CDKAL1: variants seen among roughly 807,000 people sequenced by gnomAD.
The protein encoded by CDKAL1 is CDKAL1 threonylcarbamoyladenosine tRNA methylthiotransferase, also known as threonylcarbamoyladenosine tRNA methylthiotransferase.
Under a neutral mutation model 68.2 loss-of-function variants are expected in CDKAL1, and 32 were observed. The ratio of observed to expected loss-of-function variants is 0.47; its 90% confidence interval spans 0.35 to 0.63. The LOEUF is 0.63. CDKAL1 is among the 30% of genes least tolerant of loss of function. The pLI, the probability that CDKAL1 is intolerant of heterozygous loss-of-function variation, is 0.00. For synonymous variants in CDKAL1, 234 were observed against 244.3 expected, an observed-to-expected ratio of 0.96 and a Z score of 0.39; for missense variants, 606 against 696.7, an observed-to-expected ratio of 0.87 and a Z score of 1.47.
chr6:21,146,826 G>A (rs958001469), intron 13 of CDKAL1, among the ~76,000 whole-genome samples: 7 of 148,392 alleles, frequency 4.7e-5, no homozygotes, highest in Non-Finnish European at 8.9e-5. Context: ...ACTCCAGCCT[G>A]GGCGACAGAG....
chr6:20,584,100 C>G (rs1765246787), intron 4 of CDKAL1, among the ~76,000 whole-genome samples: 1 of 143,202 alleles, frequency 7.0e-6, no homozygotes, highest in Non-Finnish European at 1.5e-5. Flanking sequence ...GATTTGTTTT[C>G]AATATCCTTA....
chr6:21,077,506 G>C (rs561421389), intron 12 of CDKAL1, among the ~76,000 whole-genome samples: 3 of 152,358 alleles, frequency 2.0e-5, no homozygotes, highest in South Asian at 4.1e-4. Context: ...TGTGCTCATG[G>C]TTCTGCAGGC....
chr6:20,638,248 T>C (rs1255570685), intron 4 of CDKAL1, among the ~76,000 whole-genome samples: 1 of 152,162 alleles, frequency 6.6e-6, no homozygotes, highest in Non-Finnish European at 1.5e-5. Flanking sequence ...AAGTGAAAAA[T>C]AGTATTTTTT....
At chr6:20,833,097 A>C (rs552413033) in intron 8 of CDKAL1, among the ~76,000 whole-genome samples, 25 of 152,314 alleles carry the variant, frequency 1.6e-4, no homozygotes, top group African/African-American at 5.8e-4. Context: ...TGATTGGCTT[A>C]GGTCTGAGTT....
chr6:21,193,250 C>T (rs1406846657), intron 13 of CDKAL1, among the ~76,000 whole-genome samples: 1 of 151,916 alleles, frequency 6.6e-6, no homozygotes, highest in African/African-American at 2.4e-5. Flanking sequence ...TTAAGTACAC[C>T]AAGAAGGTAG....
At chr6:20,810,273 A>G (rs1776738029) in intron 8 of CDKAL1, among the ~76,000 whole-genome samples, 1 of 151,934 alleles carries the variant, frequency 6.6e-6, no homozygotes, top group African/African-American at 2.4e-5. Context: ...GCACAACTAA[A>G]TTGTTTTGAA....
At chr6:21,003,460 G>A (rs1010464479) in intron 11 of CDKAL1, among the ~76,000 whole-genome samples, 3 of 149,332 alleles carry the variant, frequency 2.0e-5, no homozygotes, top group African/African-American at 7.4e-5. Flanking sequence ...CAGCTACTGG[G>A]GAGGCTGAGG....
chr6:21,073,402 A>T (rs189384568), intron 12 of CDKAL1, among the ~76,000 whole-genome samples: 312 of 152,316 alleles, frequency 2.0e-3, no homozygotes, highest in Non-Finnish European at 3.1e-3. Context: ...TGTTTATAAA[A>T]AATTGCCACA....
At chr6:21,224,231 T>TGAGAG (rs1480638899) in intron 15 of CDKAL1, among the ~76,000 whole-genome samples, 1 of 152,206 alleles carries the variant, frequency 6.6e-6, no homozygotes. Flanking sequence ...GATCTTGGAA[T>TGAGAG]GAGAGGATTA....
chr6:20,700,169 CTTCTGTTTTA>C (rs1562035621), intron 5 of CDKAL1, among the ~76,000 whole-genome samples: 1 of 151,250 alleles, frequency 6.6e-6, no homozygotes, highest in Non-Finnish European at 1.5e-5. Context: ...TTCCACCTTG[CTTCTGTTTTA>C]TTCTGTTTTT....
intron 15 of CDKAL1, among the ~76,000 whole-genome samples, chr6:21,226,513 TG>T (rs1320360157): frequency 6.6e-6 from 1 of 152,250 alleles, no homozygotes; most frequent in African/African-American, 2.4e-5. Context: ...GGAATTTTAG[TG>T]CGCCCCTTAG....
intron 12 of CDKAL1, among the ~76,000 whole-genome samples, chr6:21,093,160 T>C (rs1000732443): frequency 1.3e-5 from 2 of 152,176 alleles, no homozygotes; most frequent in Non-Finnish European, 2.9e-5. Flanking sequence ...TGTAGACCCA[T>C]GCCAAGACAA....
At chr6:20,783,466 A>G (rs1775521831) in intron 8 of CDKAL1, among the ~76,000 whole-genome samples, 1 of 152,120 alleles carries the variant, frequency 6.6e-6, no homozygotes, top group African/African-American at 2.4e-5. Context: ...CCCAGTATTC[A>G]GTCTTCCTGA....
At chr6:20,588,111 TAAAAC>T (rs886069376) in intron 4 of CDKAL1, among the ~76,000 whole-genome samples, 1 of 151,924 alleles carries the variant, frequency 6.6e-6, no homozygotes, top group Non-Finnish European at 1.5e-5. Flanking sequence ...CAAAACAAAA[TAAAAC>T]AAAAACACCA....
intron 8 of CDKAL1, among the ~76,000 whole-genome samples, chr6:20,805,211 G>A (rs1776519375): frequency 6.6e-6 from 1 of 152,146 alleles, no homozygotes; most frequent in Non-Finnish European, 1.5e-5. Context: ...TACCTGATGT[G>A]TCTTTTTCTG....
intron 11 of CDKAL1, among the ~76,000 whole-genome samples, chr6:21,055,584 AT>A (rs1770785042): frequency 6.6e-6 from 1 of 152,100 alleles, no homozygotes; most frequent in African/African-American, 2.4e-5. Context: ...GTGTGTTCAC[AT>A]TGTTCAGCTC....
At chr6:21,070,589 T>G (rs1329897042) in intron 12 of CDKAL1, among the ~76,000 whole-genome samples, 3 of 152,128 alleles carry the variant, frequency 2.0e-5, no homozygotes, top group African/African-American at 7.2e-5. Flanking sequence ...TTTTTCGCCC[T>G]GTGTCCTCAT....
chr6:21,106,065 T>C (rs1773828517), intron 12 of CDKAL1, among the ~76,000 whole-genome samples: 1 of 152,206 alleles, frequency 6.6e-6, no homozygotes, highest in South Asian at 2.1e-4. Flanking sequence ...CAGTTTGACT[T>C]TACCTGTTAA....
chr6:20,600,544 A>G (rs946062237), intron 4 of CDKAL1, among the ~76,000 whole-genome samples: 1 of 151,982 alleles, frequency 6.6e-6, no homozygotes. Flanking sequence ...CAGGATAAAT[A>G]CCACTTTTGA....
Sources: allele counts gnomAD v4.1 joint callset (sites outside exome capture counted in the v4.1 genomes callset), GRCh38; gene constraint gnomAD v4.1.1; transcripts MANE v1.5; gene names NCBI Gene and HGNC (gene_info 2026-07-23, HGNC 2026-07-21).